Variants in DDX50 observed in about 807,000 individuals in gnomAD.
DDX50 encodes the protein DExD-box helicase 50.
In DDX50, 56 loss-of-function variants were observed where a neutral mutation model predicts 94.8. The observed-to-expected ratio is 0.59, with a 90% confidence interval of 0.48 to 0.74. The LOEUF is 0.74. Ranked by LOEUF, DDX50 falls within the 30% of genes least tolerant of loss-of-function variation. The pLI is 0.00. For synonymous variants in DDX50, 264 were observed against 295.4 expected (o/e 0.89, Z 1.09); for missense variants, 713 against 881.2 (o/e 0.81, Z 2.42).
intron 7 of DDX50, 143 bp from the exon 8 acceptor site, chr10:68,919,689 G>A (rs1841893168): frequency 1.1e-6 from 1 of 920,610 alleles, no homozygotes; most frequent in Admixed American, 2.9e-5. Context: ...TGTCTATATT[G>A]TTTTTAAGTG....
intron 11 of DDX50, 134 bp from the exon 12 acceptor site, chr10:68,936,802 G>A: frequency 2.4e-6 from 2 of 820,270 alleles, no homozygotes; most frequent in South Asian, 2.1e-5. Flanking sequence ...GATCGTGCCA[G>A]TGCGCTCCAG....
rs1431078618 is a variant in DDX50, at chr10:68,946,277, GTCT to G, written c.1936-70_1936-68del. On this transcript the variant is annotated intron_variant, in intron 14 of 14. Transcript: ENST00000373585. ...TTTAGCTAATAGATATGAAAAAGGT[GTCT>G]TCTTGTACTTAACATGTTTGCTTAT... 5 of 1,489,438 alleles carry G rather than the reference GTCT, an allele frequency of 3.4e-6. No individual in the cohort carries two copies. The African/African-American group carries it at 4.2e-5, about 13-fold the overall frequency. The allele number at this position is 1,489,438 out of a possible 1,614,324, so 92.3% of individuals were successfully genotyped here.
At chr10:68,912,620 A>G (rs1841662450) in intron 4 of DDX50, among the ~76,000 whole-genome samples, 1 of 152,244 alleles carries the variant, frequency 6.6e-6, no homozygotes, top group Non-Finnish European at 1.5e-5. Flanking sequence ...TCTCTGAGAC[A>G]CAAGTCTCTC....
chr10:68,944,016 T>TA (rs1842608820), intron 14 of DDX50, among the ~76,000 whole-genome samples: 1 of 152,230 alleles, frequency 6.6e-6, no homozygotes, highest in Non-Finnish European at 1.5e-5. Flanking sequence ...TCCATCTACT[T>TA]ACCCACTTTT....
Position 68,920,857 on chromosome 10 carries a change from AT to A in DDX50, c.1239+878del, listed in dbSNP as rs1037994517. ...CTACTCAGGAGGCTAAGGCAGGAGA[AT>A]TGCGTGAACCCAGGAGTTCAGTGAT... On this transcript the variant is annotated intron_variant, in intron 8 of 14. Transcript: ENST00000373585. Among the ~76,000 whole-genome samples the A allele has an allele frequency of 5.4e-4, 82 of 150,868 alleles. 1 individual carries two copies. The highest frequency in any genetic ancestry group is 1.9e-3 in the African/African-American group (77 of 40,900).
Position 68,910,307 on chromosome 10 carries a change from A to T in DDX50, c.385A>T (p.Thr129Ser). Reference sequence around the variant, plus strand: ...TAGGCCATTGATTTCATTTTTACAGACCTTAACACGTGAACAGAAAGAAGG... The same window carrying T: ...TAGGCCATTGATTTCATTTTTACAGTCCTTAACACGTGAACAGAAAGAAGG... ...HKSSDNKLEE[T>S]LTREQKEGAF... Residue 129 changes from threonine to serine, a missense_variant and splice_region_variant, in exon 3 of 15, where the codon ACC becomes TCC. Thr to Ser is a moderately conservative substitution (Grantham distance 58, BLOSUM62 1). Coordinates refer to ENST00000373585, the MANE Select transcript of DDX50 (RefSeq NM_024045.2). The T allele has an allele frequency of 6.3e-7, 1 of 1,597,510 alleles. No individual in the cohort carries two copies. Among genetic ancestry groups the T allele is most frequent in the Non-Finnish European group, 8.5e-7 (1 of 1,175,226 alleles).
rs147182520 is a variant in DDX50, at chr10:68,901,439, G to A, written c.55G>A (p.Glu19Lys). 1,937 of 1,575,810 alleles carry A rather than the reference G, an allele frequency of 1.2e-3. 9 individuals carry two copies. Among genetic ancestry groups the A allele is most frequent in the Admixed American group, 1.9e-3 (102 of 54,140 alleles). ...DIMELEAPLE[E>K]SESQKKERQK... is the part of the protein sequence containing the mutation. ...TATGGAGCTGGAAGCACCCTTGGAG[G>A]AGTCCGAGAGCCAGAAGAAGGAGAG... is the stretch of plus-strand genomic sequence containing the variant. Residue 19 changes from glutamate to lysine, a missense_variant, in exon 1 of 15, where the codon GAG (glutamate) becomes AAG (lysine). This residue lies in a region of DDX50 where 285 missense variants were observed against 278.9 expected (regional missense o/e 1.02). Transcript: ENST00000373585.
intron 5 of DDX50, 50 bp from the exon 6 acceptor site, chr10:68,913,341 A>G (rs1265767611): frequency 1.2e-6 from 2 of 1,602,606 alleles, no homozygotes; most frequent in South Asian, 1.1e-5. Context: ...TAAATAAATA[A>G]TGTGAAAGTT....
rs1489170414 is a variant in DDX50 at position 68,940,427 on chromosome 10, A to AT, written c.1756-623dup. ...GAAATTTATGTTGTATTTACTTTTTATTTTTTTTTTGAGACAGGGTCTAGT... is the reference window on the plus strand; with the variant it reads ...GAAATTTATGTTGTATTTACTTTTTATTTTTTTTTTTGAGACAGGGTCTAGT... On this transcript the variant is annotated intron_variant, in intron 12 of 14. Transcript: ENST00000373585. Among the ~76,000 whole-genome samples the AT allele has an allele frequency of 8.6e-4, 124 of 144,804 alleles. 1 individual carries two copies. The highest frequency in any genetic ancestry group is 2.9e-3 in the South Asian group (13 of 4,488). 95.0% of individuals were successfully genotyped at this position (144,804 alleles called of 152,430 possible). A position where few individuals can be genotyped will look rare whatever the true frequency, so the allele number is the denominator to read the frequency against.
At chr10:68,936,840 C>G (rs574493947) in intron 11 of DDX50, 96 bp from the exon 12 acceptor site, 2 of 1,038,696 alleles carry the variant, frequency 1.9e-6, no homozygotes, top group Admixed American at 2.7e-5. Context: ...GGCTCTATCT[C>G]AAAAAAAAAA....
chr10:68,902,459 G>T (rs2132016360), intron 1 of DDX50, among the ~76,000 whole-genome samples: 1 of 152,212 alleles, frequency 6.6e-6, no homozygotes, highest in Admixed American at 6.5e-5. Flanking sequence ...CACTTTTATT[G>T]TGCTAAAATA....
At chr10:68,932,594 G>C (rs1443580255) in intron 8 of DDX50, among the ~76,000 whole-genome samples, 1 of 152,084 alleles carries the variant, frequency 6.6e-6, no homozygotes, top group South Asian at 2.1e-4. Context: ...CTTTAATATA[G>C]TGGCCAGGAA....
chr10:68,918,030 T>C (rs1446876571), intron 7 of DDX50, among the ~76,000 whole-genome samples: 2 of 152,038 alleles, frequency 1.3e-5, no homozygotes, highest in Non-Finnish European at 2.9e-5. Context: ...GTTCAAGCGA[T>C]TCTCCTGCCT....
chr10:68,936,766 G>A (rs182813972), intron 11 of DDX50, among the ~76,000 whole-genome samples, 170 bp from the exon 12 acceptor site: 44 of 151,498 alleles, frequency 2.9e-4, no homozygotes, highest in African/African-American at 8.5e-4. Context: ...GCTTGAGCCC[G>A]GGAGGTTGAG....
chr10:68,901,320 C>T lies in DDX50; in HGVS notation c.-65C>T, dbSNP rs1396339256. 5 of 1,448,038 alleles carry T rather than the reference C, an allele frequency of 3.5e-6. No individual in the cohort carries two copies. The highest frequency in any genetic ancestry group is 1.5e-5 in the African/African-American group (1 of 68,866). 89.7% of individuals were successfully genotyped at this position (1,448,038 alleles called of 1,614,324 possible). The stretch of plus-strand genomic sequence containing the variant: ...CGGCCGCCTTGCCCCCGCTTCCTTT[C>T]ACGCTGTCGCTGCCCGTAGGTGGTT... On this transcript the variant is annotated 5_prime_UTR_variant, in exon 1 of 15. Transcript: ENST00000373585.
intron 12 of DDX50, among the ~76,000 whole-genome samples, chr10:68,940,293 T>A (rs921459345): frequency 1.3e-5 from 2 of 151,042 alleles, no homozygotes; most frequent in Non-Finnish European, 2.9e-5. Context: ...GTGAGAAGAC[T>A]GCTTGAGCCC....
At chr10:68,903,681 A>C (rs1401902216) in intron 1 of DDX50, among the ~76,000 whole-genome samples, 1 of 152,106 alleles carries the variant, frequency 6.6e-6, no homozygotes, top group African/African-American at 2.4e-5. Flanking sequence ...CATGCCTGTA[A>C]TCCCAGCTAC....
At chr10:68,912,140 G>A (rs953438225) in intron 4 of DDX50, among the ~76,000 whole-genome samples, 4 of 152,104 alleles carry the variant, frequency 2.6e-5, no homozygotes, top group South Asian at 2.1e-4. Context: ...TATGTTTTTC[G>A]GGTGAAATTA....
chr10:68,914,968 C>G (rs532094573), intron 7 of DDX50, among the ~76,000 whole-genome samples: 48 of 147,492 alleles, frequency 3.3e-4, no homozygotes, highest in Non-Finnish European at 5.5e-4. Context: ...TTGCAGTAAG[C>G]TGAGATTGCG....
Sources: gnomAD v4.1 joint callset for allele counts (sites outside exome capture counted in the v4.1 genomes callset) on GRCh38, gnomAD v4.1.1 for gene constraint, gnomAD v4.1.1 regional missense constraint, MANE v1.5 for transcripts, NCBI Gene and HGNC (gene_info 2026-07-23, HGNC 2026-07-21) for gene names.